STX6: variants seen among roughly 807,000 people sequenced by gnomAD.
STX6 encodes the protein syntaxin 6, also known as syntaxin-6.
In STX6, 23 loss-of-function variants were observed where a neutral mutation model predicts 38.0. The ratio of observed to expected loss-of-function variants is 0.60; its 90% CI spans 0.43 to 0.86. STX6 has a LOEUF of 0.86. STX6 is among the 40% of genes least tolerant of loss of function. STX6 has a pLI of 0.00. For synonymous variants in STX6, 123 were observed against 107.5 expected (o/e 1.14, Z -0.89); for missense variants, 274 against 312.9 (o/e 0.88, Z 0.94).
At chr1:181,002,516 G>C (rs558609480) in intron 3 of STX6, 90 bp downstream of exon 3, 1 of 878,948 alleles carries the variant, frequency 1.1e-6, no homozygotes, top group South Asian at 1.6e-5. Flanking sequence ...TGGTTTCAGA[G>C]GTGACCTATT....
At chr1:181,011,959 C>T (rs1656414120) in intron 1 of STX6, among the ~76,000 whole-genome samples, 2 of 152,260 alleles carry the variant, frequency 1.3e-5, no homozygotes, top group Admixed American at 1.3e-4. Context: ...GTGACAATCA[C>T]AGATAGTGCT....
intron 5 of STX6, chr1:180,989,266 T>G: frequency 6.6e-6 from 1 of 151,730 alleles, no homozygotes; most frequent in East Asian, 1.9e-4. Flanking sequence ...CTGAGTCAGG[T>G]GGATTGCCTG....
At chr1:181,011,146 A>G (rs75263902) in intron 1 of STX6, among the ~76,000 whole-genome samples, 6,531 of 152,318 alleles carry the variant, frequency 0.043, 267 homozygotes, top group African/African-American at 0.11. Flanking sequence ...TTTTAAAAAG[A>G]GGATTCATGT....
intron 7 of STX6, 92 bp from the exon 8 acceptor site, chr1:180,976,738 A>C: frequency 1.6e-6 from 2 of 1,218,076 alleles, no homozygotes; most frequent in Non-Finnish European, 2.4e-6. Context: ...TTTGAAGCAG[A>C]AAAGGGGCAG....
intron 1 of STX6, among the ~76,000 whole-genome samples, chr1:181,011,124 T>G (rs1656386634): frequency 6.6e-6 from 1 of 152,254 alleles, no homozygotes; most frequent in South Asian, 2.1e-4. Flanking sequence ...TATTCCATTC[T>G]AAAGCTCTTA....
chr1:181,001,105 A>G (rs974149153), intron 3 of STX6, among the ~76,000 whole-genome samples: 4 of 152,230 alleles, frequency 2.6e-5, no homozygotes, highest in Non-Finnish European at 5.9e-5. Context: ...ATATGTATAT[A>G]GAAAGGCAAC....
At chr1:180,999,670 A>AC (rs72501191) in intron 3 of STX6, among the ~76,000 whole-genome samples, 1 of 151,644 alleles carries the variant, frequency 6.6e-6, no homozygotes, top group African/African-American at 2.4e-5. Context: ...AGAAAAAAAA[A>AC]ACCACAAAAT....
At chr1:181,008,760 C>T (rs956348805) in intron 1 of STX6, among the ~76,000 whole-genome samples, 27 of 98,416 alleles carry the variant, frequency 2.7e-4, no homozygotes, top group Non-Finnish European at 4.5e-4. Flanking sequence ...AAACAAAAGG[C>T]TCTAATTTTA....
chr1:181,014,811 C>A (rs1013301257), intron 1 of STX6, among the ~76,000 whole-genome samples: 5 of 152,168 alleles, frequency 3.3e-5, no homozygotes, highest in Non-Finnish European at 7.4e-5. Flanking sequence ...GACTTTATTG[C>A]CATTTCCAAA....
chr1:181,004,518 C>A (rs190203765), intron 2 of STX6, among the ~76,000 whole-genome samples: 1 of 152,172 alleles, frequency 6.6e-6, no homozygotes, highest in Non-Finnish European at 1.5e-5. Context: ...TCCACAAACA[C>A]CAAAAGGACA....
At chr1:181,010,834 T>C (rs1384675783) in intron 1 of STX6, among the ~76,000 whole-genome samples, 1 of 152,166 alleles carries the variant, frequency 6.6e-6, no homozygotes, top group Non-Finnish European at 1.5e-5. Flanking sequence ...AGTTTTGAGC[T>C]AGTGGATCTT....
intron 1 of STX6, among the ~76,000 whole-genome samples, chr1:181,010,182 C>G (rs1319803400): frequency 6.6e-6 from 1 of 152,032 alleles, no homozygotes; most frequent in Non-Finnish European, 1.5e-5. Context: ...GTCAATTTCA[C>G]AGAAGTGTAC....
intron 6 of STX6, 199 bp downstream of exon 6, chr1:180,988,040 C>T (rs372474551): frequency 4.6e-5 from 21 of 458,150 alleles, no homozygotes; most frequent in Non-Finnish European, 6.3e-5. Context: ...AACAACTTCA[C>T]CTAAAGCCTG....
chr1:181,014,133 C>T (rs1400657188), intron 1 of STX6, among the ~76,000 whole-genome samples: 2 of 152,146 alleles, frequency 1.3e-5, no homozygotes, highest in Non-Finnish European at 2.9e-5. Flanking sequence ...CGTGGTGGCT[C>T]ACGCCTGTAA....
chr1:180,985,487 G>A (rs573109590), intron 6 of STX6, among the ~76,000 whole-genome samples: 2 of 152,316 alleles, frequency 1.3e-5, no homozygotes, highest in South Asian at 2.1e-4. Flanking sequence ...AAGGCACTAC[G>A]TGCTTTATTA....
At chr1:180,997,035 C>T (rs1027800245) in intron 3 of STX6, among the ~76,000 whole-genome samples, 15 of 152,098 alleles carry the variant, frequency 9.9e-5, no homozygotes, top group African/African-American at 3.6e-4. Flanking sequence ...ATAACAGAGC[C>T]ACATTAAAGG....
intron 1 of STX6, among the ~76,000 whole-genome samples, chr1:181,005,976 CA>C (rs1656215069): frequency 6.6e-6 from 1 of 152,104 alleles, no homozygotes; most frequent in Non-Finnish European, 1.5e-5. Flanking sequence ...TTCTTAAACC[CA>C]AAATCTCATT....
rs1483188932 is a variant in STX6, at chr1:180,974,401, T to G, written c.*2169A>C. 1 of 152,600 alleles carries G rather than the reference T, an allele frequency of 6.6e-6. No individual in the cohort carries two copies. Among genetic ancestry groups the G allele is most frequent in the African/African-American group, 2.4e-5 (1 of 41,464 alleles). 9.5% of individuals were successfully genotyped at this position (152,600 alleles called of 1,614,324 possible). A position where few individuals can be genotyped will look rare whatever the true frequency, so the allele number is the denominator to read the frequency against. ...AATCAGTGAGGTAAGCACGCCGATTTGAAATATATCCAAACATCATTAAGC... is the reference window on the plus strand; with the variant it reads ...AATCAGTGAGGTAAGCACGCCGATTGGAAATATATCCAAACATCATTAAGC... On this transcript the variant is annotated 3_prime_UTR_variant, in exon 8 of 8. Coordinates refer to ENST00000258301, the MANE Select transcript of STX6 (RefSeq NM_005819.6).
At chr1:181,001,825 A>C (rs1427714091) in intron 3 of STX6, among the ~76,000 whole-genome samples, 1 of 152,248 alleles carries the variant, frequency 6.6e-6, no homozygotes, top group Non-Finnish European at 1.5e-5. Flanking sequence ...TCAGGATGAC[A>C]CCATTTGAAT....
Sources: gnomAD v4.1 joint callset for allele counts (sites outside exome capture counted in the v4.1 genomes callset) on GRCh38, gnomAD v4.1.1 for gene constraint, MANE v1.5 for transcripts, NCBI Gene and HGNC (gene_info 2026-07-23, HGNC 2026-07-21) for gene names.